The following COPG2 variants were observed in gnomAD, a reference collection of about 807,000 sequenced individuals.
COPG2 encodes coatomer subunit gamma-2.
A neutral mutation model predicts 46.3 loss-of-function variants in COPG2; 37 were observed. That is an observed-to-expected ratio of 0.80 (90% CI 0.61 to 1.05). The LOEUF (loss-of-function observed/expected upper bound fraction) is 1.05. COPG2 is among the 50% of genes least tolerant of loss of function. The pLI is 0.00. For missense variants in COPG2, 427 were observed against 387.8 expected (o/e 1.10, Z -0.85); for synonymous variants, 159 against 129.7 (o/e 1.23, Z -1.53).
rs1584604935 is a variant in COPG2 at position 130,644,965 on chromosome 7, G to A, written c.323+7904C>T. On this transcript the variant is annotated intron_variant, in intron 5 of 23. Coordinates refer to ENST00000425248, the MANE Select transcript of COPG2 (RefSeq NM_012133.6). ...TAATCCCAGCTACTCAGGAGGCTGA[G>A]GCAGGAGAATCGCTTGAACCCAGGA... 4.0e-5 allele frequency among the ~76,000 whole-genome samples: 6 copies of A among 151,846 alleles called. No homozygotes were observed. The South Asian group carries it at 1.2e-3, about 32-fold the overall frequency.
At chr7:130,521,314 T>A (rs1036185726) in intron 20 of COPG2, among the ~76,000 whole-genome samples, 12 of 152,154 alleles carry the variant, frequency 7.9e-5, no homozygotes, top group African/African-American at 2.9e-4. Flanking sequence ...AGCAACACAT[T>A]CAGTGAAGTG....
intron 9 of COPG2, among the ~76,000 whole-genome samples, chr7:130,593,157 T>A (rs782033667): frequency 5.3e-5 from 8 of 152,244 alleles, no homozygotes; most frequent in Non-Finnish European, 8.8e-5. Context: ...TCAGGTCAGG[T>A]TTCTACTGCA....
At chr7:130,647,021 A>G (rs569600730) in intron 5 of COPG2, among the ~76,000 whole-genome samples, 2 of 139,044 alleles carry the variant, frequency 1.4e-5, no homozygotes, top group South Asian at 2.3e-4. Flanking sequence ...GTATATATAT[A>G]TATGTGTATA....
chr7:130,564,750 CA>C (rs1457674796), intron 9 of COPG2, among the ~76,000 whole-genome samples: 1 of 152,214 alleles, frequency 6.6e-6, no homozygotes, highest in African/African-American at 2.4e-5. Context: ...CTCAGAACCA[CA>C]GTAACTGTGA....
intron 9 of COPG2, among the ~76,000 whole-genome samples, chr7:130,592,395 C>CAAAA (rs1187335882): frequency 1.1e-4 from 8 of 74,972 alleles, no homozygotes; most frequent in African/African-American, 3.1e-4. Context: ...CAAGAATGAT[C>CAAAA]AAAAAAAAAA....
intron 5 of COPG2, 120 bp downstream of exon 5, chr7:130,652,749 T>C: frequency 1.4e-6 from 1 of 696,230 alleles, no homozygotes; most frequent in South Asian, 1.8e-5. Flanking sequence ...AAAAGAATGC[T>C]TTAAGATATT....
chr7:130,643,551 G>A (rs1320467103), intron 5 of COPG2, among the ~76,000 whole-genome samples: 2 of 152,126 alleles, frequency 1.3e-5, no homozygotes, highest in Non-Finnish European at 2.9e-5. Flanking sequence ...CAACTTCAAC[G>A]TTCGGGGTTC....
At chr7:130,529,295 G>T (rs910498354) in intron 20 of COPG2, among the ~76,000 whole-genome samples, 5 of 152,162 alleles carry the variant, frequency 3.3e-5, no homozygotes, top group Non-Finnish European at 7.3e-5. Context: ...AGTGGATGCT[G>T]AAGATGAAGC....
At chr7:130,663,730 C>CTTTTTTTTTTTT (rs71178602) in intron 3 of COPG2, among the ~76,000 whole-genome samples, 1 of 67,148 alleles carries the variant, frequency 1.5e-5, no homozygotes, top group African/African-American at 6.0e-5. Context: ...CATTTCTTTT[C>CTTTTTTTTTTTT]TTTTTTTTTT....
intron 14 of COPG2, among the ~76,000 whole-genome samples, chr7:130,553,475 G>C (rs1793565867): frequency 6.6e-6 from 1 of 152,038 alleles, no homozygotes; most frequent in African/African-American, 2.4e-5. Context: ...GAAATATTAA[G>C]GAGACACAAT....
At position 130,577,789 on chromosome 7, in the gene COPG2, C is replaced by CA. The variant is rs1305425318; in HGVS notation, c.738-13397dup. 6.6e-3 allele frequency among the ~76,000 whole-genome samples: 831 copies of CA among 125,252 alleles called. 3 individuals are homozygous for CA. Among genetic ancestry groups the CA allele is most frequent in the African/African-American group, 0.02 (626 of 31,330 alleles). 82.2% of individuals were successfully genotyped at this position (125,252 alleles called of 152,430 possible). The stretch of plus-strand genomic sequence containing the variant: ...TCTCAAAAAAAAAAAAAAAAAAAAA[C>CA]AAAAAAAAAAAACAGCCCACCACGA... On this transcript the variant is annotated intron_variant, in intron 9 of 23. Transcript: ENST00000425248.
At chr7:130,556,879 C>G (rs1378623085) in intron 12 of COPG2, among the ~76,000 whole-genome samples, 5 of 151,706 alleles carry the variant, frequency 3.3e-5, no homozygotes, top group Non-Finnish European at 5.9e-5. Context: ...ATAACATAAA[C>G]ATATATACTT....
rs1554462067 is a variant in COPG2 at position 130,668,673 on chromosome 7, G to C, written c.-5C>G. ...CTTGTCGAATTTTTTAATCATCTTG[G>C]ACGACTTCCCAGCGCCCAGACCCAC... On this transcript the variant is annotated 5_prime_UTR_variant, in exon 1 of 24. Transcript: ENST00000425248. 1 of 1,540,102 alleles carries C rather than the reference G, an allele frequency of 6.5e-7. No individual in the cohort carries two copies. The highest frequency in any genetic ancestry group is 1.2e-5 in the South Asian group (1 of 82,230).
intron 4 of COPG2, among the ~76,000 whole-genome samples, chr7:130,655,199 A>G (rs1328376193): frequency 2.0e-5 from 3 of 152,062 alleles, no homozygotes; most frequent in Admixed American, 2.0e-4. Flanking sequence ...ATGATCTTAA[A>G]TAGTATTGAA....
intron 9 of COPG2, among the ~76,000 whole-genome samples, chr7:130,566,808 G>A (rs1793810934): frequency 6.6e-6 from 1 of 152,202 alleles, no homozygotes; most frequent in African/African-American, 2.4e-5. Flanking sequence ...AGAAAGTCAG[G>A]CAGTCGGGCA....
At chr7:130,668,223 C>T (rs950591761) in intron 1 of COPG2, among the ~76,000 whole-genome samples, 5 of 152,142 alleles carry the variant, frequency 3.3e-5, no homozygotes, top group African/African-American at 4.8e-5. Flanking sequence ...TCCACACACA[C>T]CCTGTGCCGT....
At chr7:130,563,751 G>A (rs1244160077) in intron 10 of COPG2, among the ~76,000 whole-genome samples, 9 of 92,692 alleles carry the variant, frequency 9.7e-5, no homozygotes, top group African/African-American at 3.8e-4. Context: ...GTGAGACTCC[G>A]TCTCAAAAAA....
At chr7:130,639,704 C>T (rs782601687) in intron 5 of COPG2, among the ~76,000 whole-genome samples, 1 of 152,220 alleles carries the variant, frequency 6.6e-6, no homozygotes, top group Non-Finnish European at 1.5e-5. Context: ...TACTTCAAAG[C>T]TTTTGCTATG....
At position 130,561,503 on chromosome 7, in the gene COPG2, T is replaced by C. The variant is rs1793720231; in HGVS notation, c.940-282A>G. On this transcript the variant is annotated intron_variant, in intron 11 of 23. Coordinates refer to ENST00000425248, the MANE Select transcript of COPG2 (RefSeq NM_012133.6). The stretch of plus-strand genomic sequence containing the variant: ...GGCCTGTATTTCCTTATAGTACGTG[T>C]GTTCATATACGTCTATTCTATTAGA... Among the ~76,000 whole-genome samples the C allele has an allele frequency of 4.6e-5, 7 of 152,352 alleles. No individual in the cohort carries two copies. In the South Asian group the frequency reaches 1.5e-3, roughly 32 times the overall value.
Sources: allele counts gnomAD v4.1 joint callset (sites outside exome capture counted in the v4.1 genomes callset), GRCh38; gene constraint gnomAD v4.1.1; transcripts MANE v1.5; gene names NCBI Gene and HGNC (gene_info 2026-07-23, HGNC 2026-07-21).